ATP11A: variants seen among roughly 807,000 people sequenced by gnomAD.
The protein encoded by ATP11A is ATPase phospholipid transporting 11A.
ATP11A carries 81 observed loss-of-function variants against 154.4 expected under a neutral mutation model. That is an observed-to-expected ratio of 0.52 (90% CI 0.44 to 0.63). The LOEUF (loss-of-function observed/expected upper bound fraction) is 0.63, where lower values mean the gene tolerates loss of function less well. Among genes scored for constraint, ATP11A ranks in the 30% least tolerant of loss-of-function variants. ATP11A has a pLI of 0.00. For missense variants in ATP11A, 1,316 were observed against 1,474.3 expected (o/e 0.89, Z 1.76); for synonymous variants, 623 against 585.9 (o/e 1.06, Z -0.91).
At position 112,882,282 on chromosome 13, in the gene ATP11A, TCC is replaced by T; in HGVS notation, c.*420_*421del. ...CTGCGCGCTGTCATGCAGAGGCCAT[TCC>T]CCCAGGCCTGTGTCTTCACCCACCT... On this transcript the variant is annotated 3_prime_UTR_variant, in exon 30 of 30. Coordinates refer to ENST00000375645, the MANE Select transcript of ATP11A (RefSeq NM_015205.3). This position sits in a 1 kb window ranked among gnomAD's most constrained non-coding sequence, Gnocchi z 5.1. The T allele has an allele frequency of 2.1e-6, 1 of 465,212 alleles. No individual in the cohort carries two copies. 28.8% of individuals were successfully genotyped at this position (465,212 alleles called of 1,614,324 possible).
rs141695202 is a variant in ATP11A at position 112,758,351 on chromosome 13, C to T, written c.40-26784C>T. ...TGCTGGGATTACAGGCTTGAGCCAC[C>T]ACACCTGGCCACTAAGGACATTTGA... On this transcript the variant is annotated intron_variant, in intron 1 of 29. Coordinates refer to ENST00000375645, the MANE Select transcript of ATP11A (RefSeq NM_015205.3). 1.9e-3 allele frequency among the ~76,000 whole-genome samples: 283 copies of T among 152,192 alleles called. 5 individuals carry two copies. In the East Asian group the frequency reaches 0.031, roughly 16 times the overall value.
intron 1 of ATP11A, among the ~76,000 whole-genome samples, chr13:112,778,946 GGAGTAGCCGCTGGAGT>G (rs2077421220): frequency 1.5e-5 from 2 of 129,562 alleles, no homozygotes; most frequent in African/African-American, 3.0e-5. Flanking sequence ...GCTGGAGTGA[GGAGTAGCCGCTGGAGT>G]GAGTAGCCGC....
chr13:112,777,305 C>T (rs1386519230), intron 1 of ATP11A, among the ~76,000 whole-genome samples: 8 of 152,172 alleles, frequency 5.3e-5, no homozygotes, highest in South Asian at 2.1e-4. Flanking sequence ...GGCTCACGCC[C>T]GTAATCCCAG....
rs1278376613 is a variant in ATP11A, at chr13:112,803,794, TTACTTCCCCTCCCTCCCCTCCTTCCTC to T, written c.163-1161_163-1135del. On this transcript the variant is annotated intron_variant, in intron 2 of 29. Transcript: ENST00000375645. ...CCTTCCTCTCCCTCCCCTCCCTGCCTTACTTCCCCTCCCTCCCCTCCTTCCTCTCCTTCCCCTCCTCCTCCTTCCTCT... is the reference window on the plus strand; with the variant it reads ...CCTTCCTCTCCCTCCCCTCCCTGCCTTCCTTCCCCTCCTCCTCCTTCCTCT... Among the ~76,000 whole-genome samples the T allele has an allele frequency of 2.0e-4, 14 of 69,462 alleles. No homozygotes were observed. The East Asian group carries it at 4.7e-3, about 23-fold the overall frequency. 45.6% of individuals were successfully genotyped at this position (69,462 alleles called of 152,430 possible).
chr13:112,747,532 C>T (rs1892306504), intron 1 of ATP11A: 2 of 152,172 alleles, frequency 1.3e-5, no homozygotes, highest in African/African-American at 4.8e-5. Context: ...AGCTTTTTAG[C>T]AAATTACAAA....
At chr13:112,828,916 C>A (rs547477789) in intron 12 of ATP11A, among the ~76,000 whole-genome samples, 2 of 152,328 alleles carry the variant, frequency 1.3e-5, no homozygotes, top group South Asian at 4.1e-4. Flanking sequence ...GAAATAGATT[C>A]ACCCACCAGT....
intron 23 of ATP11A, 129 bp from the exon 24 acceptor site, chr13:112,860,158 T>C: frequency 9.5e-7 from 1 of 1,057,550 alleles, no homozygotes; most frequent in Non-Finnish European, 1.4e-6. Context: ...CCCTAGTTTA[T>C]ATTGTTAAGC....
chr13:112,783,099 C>T (rs1017573087), intron 1 of ATP11A, among the ~76,000 whole-genome samples: 20 of 152,196 alleles, frequency 1.3e-4, no homozygotes, highest in African/African-American at 4.6e-4. Flanking sequence ...TTTATTAAAG[C>T]AAATGTGCAG....
rs1594254582 is a variant in ATP11A, at chr13:112,875,983, C to T, written c.3327+42C>T. On this transcript the variant is annotated intron_variant, in intron 28 of 29. Transcript: ENST00000375645. The surrounding 1 kb of genome is among the most constrained non-coding windows in gnomAD (Gnocchi z 4.1). ...GCCGGGGCGGGGGTGCCTCAGGGCC[C>T]TGGCCTTAGGATTGGGAGATGACCG... 1 of 1,583,352 alleles carries T rather than the reference C, an allele frequency of 6.3e-7. No individual in the cohort carries two copies.
chr13:112,815,110 T>C (rs2078606843), intron 5 of ATP11A, among the ~76,000 whole-genome samples: 2 of 152,216 alleles, frequency 1.3e-5, no homozygotes, highest in Non-Finnish European at 2.9e-5. Flanking sequence ...AGTGACTCAC[T>C]CAAGGGTTCT....
chr13:112,745,512 C>T (rs1286670548), intron 1 of ATP11A: 2 of 152,200 alleles, frequency 1.3e-5, no homozygotes, highest in East Asian at 1.9e-4. Context: ...TAAGCTCTTA[C>T]TGTGTACCCT....
At chr13:112,781,120 C>T (rs1033472406) in intron 1 of ATP11A, among the ~76,000 whole-genome samples, 2 of 152,164 alleles carry the variant, frequency 1.3e-5, no homozygotes, top group Non-Finnish European at 2.9e-5. Context: ...GTCACTGCAA[C>T]CTCCACCTCC....
chr13:112,765,354 G>C (rs543613765), intron 1 of ATP11A, among the ~76,000 whole-genome samples: 6 of 152,282 alleles, frequency 3.9e-5, no homozygotes, highest in African/African-American at 1.4e-4. Context: ...GCCCTGCCTT[G>C]TTTTCTGGTC....
intron 1 of ATP11A, among the ~76,000 whole-genome samples, chr13:112,769,618 TC>T (rs1048078938): frequency 6.6e-6 from 1 of 152,224 alleles, no homozygotes; most frequent in Non-Finnish European, 1.5e-5. Flanking sequence ...ACCCTGGTTT[TC>T]CAGGTGAGAT....
In ATP11A at chr13:112,823,453, G is replaced by T. The variant is rs762544966; in HGVS notation, c.790+44G>T. The T allele has an allele frequency of 1.7e-5, 26 of 1,494,480 alleles. No individual in the cohort carries two copies. The South Asian group carries it at 2.3e-4, about 13-fold the overall frequency. 92.6% of individuals were successfully genotyped at this position (1,494,480 alleles called of 1,614,324 possible). A position where few individuals can be genotyped will look rare whatever the true frequency, so the allele number is the denominator to read the frequency against. ...ATTAACCATTGCCCCTAACATTAAG[G>T]ATGCATGAAGCAAAAGTTAAAACCC... is the stretch of plus-strand genomic sequence containing the variant. On this transcript the variant is annotated intron_variant, in intron 9 of 29. Transcript: ENST00000375645.
At chr13:112,839,603 T>C (rs2079337189) in intron 16 of ATP11A, among the ~76,000 whole-genome samples, 1 of 152,162 alleles carries the variant, frequency 6.6e-6, no homozygotes, top group Admixed American at 6.5e-5. Flanking sequence ...CCAGCTGTCT[T>C]GGGGACAGGA....
chr13:112,731,900 T>G (rs1890514757), intron 1 of ATP11A, among the ~76,000 whole-genome samples: 1 of 127,602 alleles, frequency 7.8e-6, no homozygotes, highest in African/African-American at 3.3e-5. Context: ...CCCAGCAGTG[T>G]GTGGGGTAAA....
intron 1 of ATP11A, among the ~76,000 whole-genome samples, chr13:112,731,433 A>G (rs559021023): frequency 1.3e-5 from 2 of 152,290 alleles, no homozygotes; most frequent in East Asian, 3.9e-4. Context: ...TTCCCACTCC[A>G]TTCCCAGCCA....
At chr13:112,876,208 A>T (rs372205426) in intron 28 of ATP11A, 1 of 302,254 alleles carries the variant, frequency 3.3e-6, no homozygotes, top group Non-Finnish European at 6.0e-6. Context: ...AAGGCAAATT[A>T]TTTCATGTAA....
Sources: allele counts gnomAD v4.1 joint callset (sites outside exome capture counted in the v4.1 genomes callset), GRCh38; gene constraint gnomAD v4.1.1; non-coding constraint Gnocchi (gnomAD v3.1); transcripts MANE v1.5; gene names NCBI Gene and HGNC (gene_info 2026-07-23, HGNC 2026-07-21).